ARHGEF9: variants seen among roughly 807,000 people sequenced by gnomAD.
The protein encoded by ARHGEF9 is rho guanine nucleotide exchange factor 9.
Under a neutral mutation model 41.3 loss-of-function variants are expected in ARHGEF9, and 2 were observed. That is an observed-to-expected ratio of 0.05 (90% confidence interval 0.02 to 0.15). ARHGEF9 has a LOEUF of 0.15. ARHGEF9 is among the 10% of genes least tolerant of loss of function. The pLI is 1.00. For missense variants in ARHGEF9, 225 were observed against 424.7 expected (o/e 0.53, Z 4.13); for synonymous variants, 160 against 154.4 (o/e 1.04, Z -0.27).
intron 8 of ARHGEF9, among the ~76,000 whole-genome samples, chrX:63,646,747 T>C (rs1205721676): frequency 8.9e-6 from 1 of 112,074 alleles, no homozygotes; most frequent in Non-Finnish European, 1.9e-5. Context: ...TTTAAAGTAG[T>C]TTTTTCCAAT....
intron 7 of ARHGEF9, among the ~76,000 whole-genome samples, chrX:63,658,298 T>C (rs1336208435): frequency 2.7e-5 from 3 of 111,923 alleles, no homozygotes; most frequent in Non-Finnish European, 5.6e-5. Context: ...AGATTTGTCA[T>C]AAGCCAAATG....
intron 4 of ARHGEF9, among the ~76,000 whole-genome samples, chrX:63,695,994 G>A (rs2051720502): frequency 9.0e-6 from 1 of 111,657 alleles, no homozygotes; most frequent in African/African-American, 3.3e-5. Context: ...CTTGTGCCTG[G>A]TTTCCTCTGC....
intron 1 of ARHGEF9, among the ~76,000 whole-genome samples, chrX:63,741,751 T>C (rs2054968343): frequency 8.9e-6 from 1 of 112,646 alleles, no homozygotes; most frequent in African/African-American, 3.2e-5. Flanking sequence ...GTATCCCTCA[T>C]GTGTGTTCCT....
chrX:63,718,962 A>C (rs1470274615), intron 2 of ARHGEF9, among the ~76,000 whole-genome samples: 3 of 111,864 alleles, frequency 2.7e-5, no homozygotes, highest in Non-Finnish European at 3.8e-5. Flanking sequence ...CTCTGAGCTG[A>C]AGAGGTCTCC....
At chrX:63,737,481 G>A (rs2054686432) in intron 1 of ARHGEF9, among the ~76,000 whole-genome samples, 1 of 112,109 alleles carries the variant, frequency 8.9e-6, no homozygotes, top group Admixed American at 9.4e-5. Flanking sequence ...AGAGGGATGG[G>A]GTGGAATAAA....
At chrX:63,766,627 GT>G (rs782764754) in intron 1 of ARHGEF9, among the ~76,000 whole-genome samples, 25 of 112,010 alleles carry the variant, frequency 2.2e-4, no homozygotes, top group Non-Finnish European at 4.3e-4. Flanking sequence ...ACTTCTCTGA[GT>G]TTTCATCCTC....
At chrX:63,693,589 G>A (rs782693137) in intron 4 of ARHGEF9, among the ~76,000 whole-genome samples, 24 of 87,304 alleles carry the variant, frequency 2.7e-4, no homozygotes, top group Admixed American at 6.8e-4. Context: ...TCCAGCCTGC[G>A]TCACAGAGTG....
chrX:63,670,436 G>A (rs181142483), intron 6 of ARHGEF9: 97 of 110,515 alleles, frequency 8.8e-4, no homozygotes, highest in African/African-American at 3.2e-3. Context: ...TACACAACCA[G>A]GCTGGGAGGA....
At chrX:63,665,110 C>T (rs1237895122) in intron 7 of ARHGEF9, among the ~76,000 whole-genome samples, 7 of 112,212 alleles carry the variant, frequency 6.2e-5, no homozygotes, top group African/African-American at 2.3e-4. Flanking sequence ...CCAATTCTTC[C>T]CAGTTAGCCC....
rs151137336 is a variant in ARHGEF9 at position 63,724,871 on chromosome X, G to A, written c.31-160C>T. 3,249 of 500,007 alleles carry A rather than the reference G, an allele frequency of 6.5e-3. 84 individuals carry two copies. The African/African-American group carries it at 0.069, about 11-fold the overall frequency. The allele number at this position is 500,007 out of a possible 1,213,427, so 41.2% of individuals were successfully genotyped here. ...ACTGGAACAAAAGTTCCATTAGACC[G>A]CAAGACAAACAATACTGTCAACTCT... is the stretch of plus-strand genomic sequence containing the variant. On this transcript the variant is annotated intron_variant, in intron 1 of 9. Transcript: ENST00000671741.
intron 1 of ARHGEF9, among the ~76,000 whole-genome samples, chrX:63,769,317 G>GA (rs1474093249): frequency 7.3e-5 from 8 of 109,284 alleles, no homozygotes; most frequent in Non-Finnish European, 1.3e-4. Context: ...GGTATCAGGT[G>GA]AAAAAAAAAT....
chrX:63,752,089 G>C (rs782029313), intron 1 of ARHGEF9, among the ~76,000 whole-genome samples: 1 of 111,306 alleles, frequency 9.0e-6, no homozygotes, highest in Non-Finnish European at 1.9e-5. Flanking sequence ...AAACCCCTTC[G>C]CTTAAACTTG....
intron 1 of ARHGEF9, among the ~76,000 whole-genome samples, chrX:63,726,205 C>A (rs2147634227): frequency 8.9e-6 from 1 of 112,435 alleles, no homozygotes; most frequent in African/African-American, 3.2e-5. Flanking sequence ...AAATAAATTT[C>A]CAGCAGGACC....
chrX:63,662,734 GATTAA>G (rs1417800927), intron 7 of ARHGEF9, among the ~76,000 whole-genome samples: 1 of 111,999 alleles, frequency 8.9e-6, no homozygotes, highest in Non-Finnish European at 1.9e-5. Context: ...TTGTTGTGAG[GATTAA>G]ATTGAGTTAA....
At chrX:63,712,084 C>T (rs1369667446) in intron 2 of ARHGEF9, among the ~76,000 whole-genome samples, 4 of 111,987 alleles carry the variant, frequency 3.6e-5, no homozygotes, top group South Asian at 3.7e-4. Context: ...CCACTTCACA[C>T]GTCCTAGAAT....
chrX:63,757,507 C>T, intron 1 of ARHGEF9, among the ~76,000 whole-genome samples: 1 of 111,990 alleles, frequency 8.9e-6, no homozygotes, highest in Non-Finnish European at 1.9e-5. Context: ...ATGGCAGTCA[C>T]ACACTGAGCT....
chrX:63,742,832 T>C (rs2055040702), intron 1 of ARHGEF9, among the ~76,000 whole-genome samples: 2 of 112,495 alleles, frequency 1.8e-5, no homozygotes, highest in South Asian at 7.4e-4. Context: ...GATGAATTTA[T>C]TGTAGATCCA....
At chrX:63,677,495 G>T (rs1278487781) in intron 5 of ARHGEF9, among the ~76,000 whole-genome samples, 10 of 111,552 alleles carry the variant, frequency 9.0e-5, no homozygotes, top group Non-Finnish European at 1.7e-4. Flanking sequence ...CTCTTGACAT[G>T]CATGGCAGGA....
chrX:63,731,203 G>C (rs1156320634), intron 1 of ARHGEF9, among the ~76,000 whole-genome samples: 1 of 111,943 alleles, frequency 8.9e-6, no homozygotes, highest in African/African-American at 3.3e-5. Context: ...TCAGGTTGGT[G>C]TCTGCCCGTA....
Sources: gnomAD v4.1 joint callset for allele counts (sites outside exome capture counted in the v4.1 genomes callset) on GRCh38, gnomAD v4.1.1 for gene constraint, MANE v1.5 for transcripts, NCBI Gene and HGNC (gene_info 2026-07-23, HGNC 2026-07-21) for gene names.